Variants in CLIP2 observed in about 807,000 individuals in gnomAD.
The protein encoded by CLIP2 is CAP-Gly domain containing linker protein 2, also known as CAP-Gly domain-containing linker protein 2.
CLIP2 carries 41 observed loss-of-function variants against 111.7 expected under a neutral mutation model. That is an observed-to-expected ratio of 0.37 (90% CI 0.29 to 0.48). The LOEUF is 0.48. Ranked by LOEUF, CLIP2 falls within the 20% of genes least tolerant of loss-of-function variation. CLIP2 has a pLI of 0.99. For synonymous variants in CLIP2, 660 were observed against 644.2 expected (o/e 1.02, Z -0.37); for missense variants, 1,160 against 1,422.1 (o/e 0.82, Z 2.96).
In CLIP2 at chr7:74,376,495, G is replaced by A. The variant is rs782363128; in HGVS notation, c.2094G>A (p.Gly698=). Residue 698 remains glycine (G), a synonymous_variant, in exon 10 of 17, where the codon GGG becomes GGA. Transcript: ENST00000223398. This position sits in a 1 kb window ranked among gnomAD's most constrained non-coding sequence, Gnocchi z 7.1. ...AGGAGGCCCAGGAGGAGCTGGCTGG[G>A]CTGCAGCGGCACTGGCGGGCCCAGC... ...KLQEAQEELA[G]LQRHWRAQLE... 35 of 1,611,730 alleles carry A rather than the reference G, an allele frequency of 2.2e-5. No homozygotes were observed. The South Asian group carries it at 3.8e-4, about 18-fold the overall frequency.
Position 74,381,036 on chromosome 7 carries a change from T to C in CLIP2, c.2479+173T>C, listed in dbSNP as rs1206114977. On this transcript the variant is annotated intron_variant, in intron 11 of 16. Coordinates refer to ENST00000223398, the MANE Select transcript of CLIP2 (RefSeq NM_003388.5). ...GGGAGGAGGCCAGTTTACGGAGGGA[T>C]AGGCATTGCACCAGCCTTCCAAGTT... 2.5e-5 allele frequency: 14 copies of C among 567,388 alleles called. No individual in the cohort carries two copies. The African/African-American group carries it at 2.6e-4, about 11-fold the overall frequency. The allele number at this position is 567,388 out of a possible 1,614,324, so 35.1% of individuals were successfully genotyped here.
At position 74,389,218 on chromosome 7, in the gene CLIP2, C is replaced by A. The variant is rs200759411; in HGVS notation, c.2679C>A (p.Gly893=). Reference sequence around the variant, plus strand: ...CCCGGAAGACCCATGACGCCTCGGGCCAGCTAGTCCTCATCAGCCAGGAGC... The same window carrying A: ...CCCGGAAGACCCATGACGCCTCGGGACAGCTAGTCCTCATCAGCCAGGAGC... ...TVSRKTHDAS[G]QLVLISQELL... The change falls in exon 13 of 17, where the codon GGC becomes GGA. Residue 893 remains glycine (G), a synonymous_variant. Transcript: ENST00000223398. 2 of 1,611,098 alleles carry A rather than the reference C, an allele frequency of 1.2e-6. No homozygotes were observed. The highest frequency in any genetic ancestry group is 2.2e-5 in the South Asian group (2 of 90,742).
At chr7:74,366,181 C>T (rs1057101631) in intron 8 of CLIP2, among the ~76,000 whole-genome samples, 1 of 152,030 alleles carries the variant, frequency 6.6e-6, no homozygotes, top group Non-Finnish European at 1.5e-5. Context: ...TATTGCAAAA[C>T]CCCCAGAAGG....
chr7:74,401,728 C>T (rs1791626777), intron 16 of CLIP2, 161 bp downstream of exon 16: 1 of 743,290 alleles, frequency 1.3e-6, no homozygotes, highest in Non-Finnish European at 2.4e-6. Flanking sequence ...AACTTGATTC[C>T]AGATTCACCC....
At chr7:74,394,250 T>TA (rs1791381402) in intron 13 of CLIP2, among the ~76,000 whole-genome samples, 1 of 145,448 alleles carries the variant, frequency 6.9e-6, no homozygotes, top group African/African-American at 2.5e-5. Context: ...TTCTTATTTT[T>TA]TTTTTTTTTT....
chr7:74,361,170 C>CTTTCCTTCCTT (rs1562709904), intron 7 of CLIP2, among the ~76,000 whole-genome samples: 1 of 12,704 alleles, frequency 7.9e-5, no homozygotes, highest in African/African-American at 3.8e-4. Flanking sequence ...CTCCCTCCCT[C>CTTTCCTTCCTT]CCTTCTTTCC....
intron 1 of CLIP2, among the ~76,000 whole-genome samples, chr7:74,309,217 T>A (rs1173880463): frequency 6.6e-6 from 1 of 151,438 alleles, no homozygotes; most frequent in Non-Finnish European, 1.5e-5. Flanking sequence ...GGCTCACACC[T>A]GTAATCCCAG....
rs184879737 is a variant in CLIP2, at chr7:74,347,823, A to C, written c.679-6057A>C. ...CTCTGGGAAATGAAAAATATCACAG[A>C]AATAAGAAACTGCACAGAAGTGTTA... On this transcript the variant is annotated intron_variant, in intron 3 of 16. Coordinates refer to ENST00000223398, the MANE Select transcript of CLIP2 (RefSeq NM_003388.5). Among the ~76,000 whole-genome samples the C allele has an allele frequency of 1.4e-4, 22 of 152,346 alleles. 1 individual carries two copies. In the East Asian group the frequency reaches 4.2e-3, roughly 29 times the overall value.
At chr7:74,304,018 A>G (rs1195584062) in intron 1 of CLIP2, among the ~76,000 whole-genome samples, 2 of 151,780 alleles carry the variant, frequency 1.3e-5, no homozygotes, top group Non-Finnish European at 2.9e-5. Context: ...GACTCAAGCA[A>G]TCCTCCCACC....
At position 74,325,896 on chromosome 7, in the gene CLIP2, G is replaced by C. The variant is rs150415227; in HGVS notation, c.121+8229G>C. Among the ~76,000 whole-genome samples the C allele has an allele frequency of 5.0e-3, 755 of 151,948 alleles. 8 individuals are homozygous for C. The highest frequency in any genetic ancestry group is 0.018 in the African/African-American group (730 of 41,442). ...CCTGGATCCTGGGTGAGGACTGATG[G>C]GACTGATGAGCACAGGGGCCAACCA... On this transcript the variant is annotated intron_variant, in intron 2 of 16. Coordinates refer to ENST00000223398, the MANE Select transcript of CLIP2 (RefSeq NM_003388.5).
At chr7:74,307,433 G>A (rs909908270) in intron 1 of CLIP2, among the ~76,000 whole-genome samples, 1 of 152,202 alleles carries the variant, frequency 6.6e-6, no homozygotes, top group Non-Finnish European at 1.5e-5. Context: ...TTGTGCAGGG[G>A]CTGGGGAGGA....
At chr7:74,350,570 A>T (rs1343570097) in intron 3 of CLIP2, among the ~76,000 whole-genome samples, 6 of 151,734 alleles carry the variant, frequency 4.0e-5, no homozygotes, top group Non-Finnish European at 8.8e-5. Flanking sequence ...TACCTCCATT[A>T]AAAAAAAGAG....
In CLIP2 at chr7:74,378,615, T is replaced by C. The variant is rs1790862034; in HGVS notation, c.2421+1793T>C. 2.6e-5 allele frequency among the ~76,000 whole-genome samples: 4 copies of C among 152,152 alleles called. No individual in the cohort carries two copies. In the South Asian group the frequency reaches 8.3e-4, roughly 31 times the overall value. The stretch of plus-strand genomic sequence containing the variant: ...TAGCCGAGTACAGTGGTAGTGTACC[T>C]GTAGTCCCCAGCTACGCTGGAGGCT... On this transcript the variant is annotated intron_variant, in intron 10 of 16. Coordinates refer to ENST00000223398, the MANE Select transcript of CLIP2 (RefSeq NM_003388.5).
Position 74,403,833 on chromosome 7 carries a change from C to G in CLIP2, c.3130-4C>G. 6 of 1,613,358 alleles carry G rather than the reference C, an allele frequency of 3.7e-6. No homozygotes were observed. Among genetic ancestry groups the G allele is most frequent in the Non-Finnish European group, 5.1e-6 (6 of 1,179,844 alleles). On this transcript the variant is annotated splice_region_variant and splice_polypyrimidine_tract_variant and intron_variant, in intron 16 of 16. Coordinates refer to ENST00000223398, the MANE Select transcript of CLIP2 (RefSeq NM_003388.5). ...TTGCTGATGATGCCCTTTACTCTCT[C>G]TAGGACAAGCACTGATCCTGAGGGG...
intron 1 of CLIP2, among the ~76,000 whole-genome samples, chr7:74,309,422 C>G (rs1554728186): frequency 3.3e-5 from 5 of 152,278 alleles, no homozygotes; most frequent in Admixed American, 6.5e-5. Context: ...TTCTCTGTGC[C>G]CATTTGCAGC....
chr7:74,300,443 G>T (rs964045593), intron 1 of CLIP2, among the ~76,000 whole-genome samples: 8 of 148,822 alleles, frequency 5.4e-5, no homozygotes, highest in African/African-American at 2.0e-4. Flanking sequence ...TGCTGAAAAA[G>T]ACATGATTTC....
intron 1 of CLIP2, among the ~76,000 whole-genome samples, chr7:74,296,788 C>CAAAAAA (rs3044389): frequency 8.3e-6 from 1 of 120,158 alleles, no homozygotes. Context: ...GATTTTGTCT[C>CAAAAAA]AAAAAAAAAA....
At chr7:74,389,904 AAATAAT>A (rs1216559086) in intron 13 of CLIP2, among the ~76,000 whole-genome samples, 1 of 133,806 alleles carries the variant, frequency 7.5e-6, no homozygotes, top group East Asian at 2.0e-4. Context: ...CATCTCAAAA[AAATAAT>A]AATAATAAAG....
In CLIP2 at chr7:74,313,484, C is replaced by T. The variant is rs530404194; in HGVS notation, c.-67-3996C>T. ...CTGAGGCAGGAGAATGGCATGAACC[C>T]GGAAGGCAGAGCTTGCAGTGAGCCG... On this transcript the variant is annotated intron_variant, in intron 1 of 16. Transcript: ENST00000223398. Among the ~76,000 whole-genome samples the T allele has an allele frequency of 9.3e-5, 14 of 151,254 alleles. No individual in the cohort carries two copies. The South Asian group carries it at 2.7e-3, about 29-fold the overall frequency.
Sources: gnomAD v4.1 joint callset for allele counts (sites outside exome capture counted in the v4.1 genomes callset) on GRCh38, gnomAD v4.1.1 for gene constraint, Gnocchi (gnomAD v3.1) non-coding constraint, MANE v1.5 for transcripts, NCBI Gene and HGNC (gene_info 2026-07-23, HGNC 2026-07-21) for gene names.